Variants in SDK1 observed in about 807,000 individuals in gnomAD.
SDK1 encodes protein sidekick-1.
Under a neutral mutation model 245.5 loss-of-function variants are expected in SDK1, and 157 were observed. The ratio of observed to expected loss-of-function variants is 0.64; its 90% CI spans 0.56 to 0.73. The LOEUF (loss-of-function observed/expected upper bound fraction) is 0.73. Ranked by LOEUF, SDK1 falls within the 30% of genes least tolerant of loss-of-function variation. The pLI is 0.00. For synonymous variants in SDK1, 1,647 were observed against 1,278.5 expected (o/e 1.29, Z -6.15); for missense variants, 3,583 against 3,002.3 (o/e 1.19, Z -4.52).
chr7:3,699,434 A>G (rs1002239097), intron 4 of SDK1, among the ~76,000 whole-genome samples: 1 of 152,238 alleles, frequency 6.6e-6, no homozygotes, highest in South Asian at 2.1e-4. Context: ...CAGCAAAGAA[A>G]TAGAAGAGAT....
chr7:4,012,023 G>C, intron 15 of SDK1, 72 bp from the exon 16 acceptor site: 2 of 1,269,996 alleles, frequency 1.6e-6, no homozygotes, highest in Non-Finnish European at 2.1e-6. Flanking sequence ...CAGCAAGATA[G>C]ATGAAATGCA....
intron 35 of SDK1, among the ~76,000 whole-genome samples, chr7:4,189,929 A>T (rs1018361114): frequency 2.0e-5 from 3 of 152,210 alleles, no homozygotes; most frequent in African/African-American, 7.2e-5. Context: ...TTGTCGTACA[A>T]TATGGGTCCC....
intron 2 of SDK1, among the ~76,000 whole-genome samples, chr7:3,637,343 T>C (rs1782491993): frequency 6.6e-6 from 1 of 152,208 alleles, no homozygotes; most frequent in African/African-American, 2.4e-5. Context: ...GTGATCTGCC[T>C]GCCTCGGCCT....
Position 3,368,456 on chromosome 7 carries a change from C to G in SDK1, c.298+66572C>G, listed in dbSNP as rs191310231. On this transcript the variant is annotated intron_variant, in intron 1 of 44. Coordinates refer to ENST00000404826, the MANE Select transcript of SDK1 (RefSeq NM_152744.4). The stretch of plus-strand genomic sequence containing the variant: ...TACTATGGTATTTCCATCCAATTTT[C>G]ATGGTTTTGAAGCAGAGCAATCAGT... Among the ~76,000 whole-genome samples the G allele has an allele frequency of 4.7e-3, 709 of 152,282 alleles. 8 individuals carry two copies. Among genetic ancestry groups the G allele is most frequent in the African/African-American group, 0.016 (677 of 41,552 alleles).
chr7:3,810,680 A>G (rs1779361988), intron 4 of SDK1, among the ~76,000 whole-genome samples: 1 of 152,186 alleles, frequency 6.6e-6, no homozygotes. Flanking sequence ...TAATCTCTTC[A>G]TTTCTTTTCT....
intron 4 of SDK1, among the ~76,000 whole-genome samples, chr7:3,722,630 G>A (rs542188402): frequency 1.3e-5 from 2 of 152,266 alleles, no homozygotes; most frequent in Admixed American, 6.5e-5. Flanking sequence ...CACACGGGGT[G>A]CTTATAAAGC....
At chr7:3,651,519 G>T (rs1783013918) in intron 4 of SDK1, among the ~76,000 whole-genome samples, 1 of 152,102 alleles carries the variant, frequency 6.6e-6, no homozygotes, top group African/African-American at 2.4e-5. Flanking sequence ...ATAAAACACA[G>T]AGGAAAAAAT....
chr7:3,558,407 A>C (rs1276544252), intron 1 of SDK1, among the ~76,000 whole-genome samples: 1 of 152,184 alleles, frequency 6.6e-6, no homozygotes, highest in Non-Finnish European at 1.5e-5. Context: ...ATCTTCTTTG[A>C]CCAGTCCTGC....
intron 5 of SDK1, among the ~76,000 whole-genome samples, chr7:3,938,249 T>C (rs1780229820): frequency 6.6e-6 from 1 of 152,202 alleles, no homozygotes. Flanking sequence ...AAATACCCTC[T>C]TACCCCTTGG....
intron 27 of SDK1, chr7:4,130,381 G>A (rs536366557): frequency 1.6e-5 from 7 of 438,520 alleles, no homozygotes; most frequent in East Asian, 8.8e-5. Flanking sequence ...GGGCGGGGCC[G>A]AGCTGTGGAT....
intron 1 of SDK1, among the ~76,000 whole-genome samples, chr7:3,545,795 G>A (rs1237917695): frequency 6.6e-5 from 10 of 152,202 alleles, no homozygotes; most frequent in East Asian, 3.8e-4. Context: ...GCTGTCAAGC[G>A]AAAGGGTAAT....
chr7:3,872,164 G>A (rs949053272), intron 5 of SDK1, among the ~76,000 whole-genome samples: 9 of 152,004 alleles, frequency 5.9e-5, no homozygotes, highest in East Asian at 3.9e-4. Context: ...TTATTCTTTC[G>A]TGTACTTTTA....
At chr7:3,758,272 A>G (rs1424213612) in intron 4 of SDK1, among the ~76,000 whole-genome samples, 2 of 152,178 alleles carry the variant, frequency 1.3e-5, no homozygotes, top group Admixed American at 1.3e-4. Context: ...TGCTTACAGC[A>G]TTTCTATCGT....
intron 35 of SDK1, among the ~76,000 whole-genome samples, chr7:4,202,126 C>G (rs1443577272): frequency 6.6e-6 from 1 of 152,164 alleles, no homozygotes; most frequent in Admixed American, 6.5e-5. Flanking sequence ...TGGACATGCT[C>G]TCTGGGCCCC....
intron 4 of SDK1, among the ~76,000 whole-genome samples, chr7:3,676,399 C>T (rs1366691205): frequency 2.0e-5 from 3 of 149,622 alleles, no homozygotes. Flanking sequence ...AGTCTCAGCT[C>T]AGTGCAAGCT....
At chr7:3,535,563 A>C (rs1778859116) in intron 1 of SDK1, among the ~76,000 whole-genome samples, 1 of 152,118 alleles carries the variant, frequency 6.6e-6, no homozygotes, top group African/African-American at 2.4e-5. Flanking sequence ...CTTTGCTTGA[A>C]AGTTTTCTCA....
chr7:3,990,643 G>T (rs1293893801), intron 14 of SDK1, among the ~76,000 whole-genome samples: 1 of 152,152 alleles, frequency 6.6e-6, no homozygotes, highest in Admixed American at 6.5e-5. Context: ...AGGCGCTGTC[G>T]CCTCGGGCTT....
chr7:3,320,445 T>G (rs1779774732), intron 1 of SDK1, among the ~76,000 whole-genome samples: 1 of 152,178 alleles, frequency 6.6e-6, no homozygotes, highest in African/African-American at 2.4e-5. Flanking sequence ...TGTATTTCAG[T>G]GTCAGAGTTC....
At chr7:3,553,047 T>A (rs146354099) in intron 1 of SDK1, among the ~76,000 whole-genome samples, 2,166 of 152,282 alleles carry the variant, frequency 0.014, 27 homozygotes, top group South Asian at 0.034. Context: ...AAATAAAAAA[T>A]TTAAAAGTAC....
Sources: allele counts gnomAD v4.1 joint callset (sites outside exome capture counted in the v4.1 genomes callset), GRCh38; gene constraint gnomAD v4.1.1; transcripts MANE v1.5; gene names NCBI Gene and HGNC (gene_info 2026-07-23, HGNC 2026-07-21).